Variants in TNFRSF21 observed in about 807,000 individuals in gnomAD.
TNFRSF21 encodes TNF receptor superfamily member 21, also known as tumor necrosis factor receptor superfamily member 21.
Under a neutral mutation model 45.6 loss-of-function variants are expected in TNFRSF21, and 19 were observed. That is an observed-to-expected ratio of 0.42 (90% CI 0.29 to 0.61). TNFRSF21 has a LOEUF of 0.61. Among genes scored for constraint, TNFRSF21 ranks in the 20% least tolerant of loss-of-function variants. TNFRSF21 has a pLI of 0.23. For missense variants in TNFRSF21, 737 were observed against 851.5 expected, an observed-to-expected ratio of 0.87 and a Z score of 1.67; for synonymous variants, 314 against 335.5, an observed-to-expected ratio of 0.94 and a Z score of 0.70.
chr6:47,243,841 G>A (rs1346945974), intron 4 of TNFRSF21, among the ~76,000 whole-genome samples: 3 of 152,146 alleles, frequency 2.0e-5, no homozygotes, highest in Non-Finnish European at 1.5e-5. Flanking sequence ...CAATAACTTA[G>A]ATAACCAGTC....
chr6:47,262,854 T>C (rs1456247844), intron 3 of TNFRSF21, among the ~76,000 whole-genome samples: 2 of 152,086 alleles, frequency 1.3e-5, no homozygotes, highest in Non-Finnish European at 1.5e-5. Context: ...GCAGATCACA[T>C]CCGGCCTTTA....
rs143009469 is a variant in TNFRSF21 at position 47,267,041 on chromosome 6, C to T, written c.1244-13520G>A. ...GAGTAAATTTCCTTCCTTCCAGCCT[C>T]TAATATTGTTAGAGTCAGACTACCC... On this transcript the variant is annotated intron_variant, in intron 3 of 5. Coordinates refer to ENST00000296861, the MANE Select transcript of TNFRSF21 (RefSeq NM_014452.5). Among the ~76,000 whole-genome samples the T allele has an allele frequency of 2.6e-3, 397 of 152,038 alleles. 1 individual carries two copies. Among genetic ancestry groups the T allele is most frequent in the Middle Eastern group, 0.01 (3 of 294 alleles).
intron 4 of TNFRSF21, among the ~76,000 whole-genome samples, chr6:47,243,111 A>G (rs1412479976): frequency 6.6e-6 from 1 of 152,206 alleles, no homozygotes; most frequent in African/African-American, 2.4e-5. Context: ...GCATTGCATA[A>G]TAAGTCCATT....
At chr6:47,274,448 G>GAAACTGGATCCCTTCCTA (rs1276390757) in intron 3 of TNFRSF21, among the ~76,000 whole-genome samples, 1 of 152,180 alleles carries the variant, frequency 6.6e-6, no homozygotes, top group East Asian at 1.9e-4. Flanking sequence ...GTAGAAAGCT[G>GAAACTGGATCCCTTCCTA]AAACTGGATC....
At chr6:47,254,176 G>A (rs1187778850) in intron 3 of TNFRSF21, among the ~76,000 whole-genome samples, 2 of 152,268 alleles carry the variant, frequency 1.3e-5, no homozygotes, top group East Asian at 3.9e-4. Flanking sequence ...TGTGGTACCA[G>A]TACTGAGACA....
intron 1 of TNFRSF21, among the ~76,000 whole-genome samples, chr6:47,296,123 T>C (rs1762786421): frequency 6.6e-6 from 1 of 152,154 alleles, no homozygotes; most frequent in African/African-American, 2.4e-5. Context: ...TACCCATTTA[T>C]TTAGTCACTA....
chr6:47,239,012 C>T (rs1036793239), intron 4 of TNFRSF21, among the ~76,000 whole-genome samples: 9 of 152,086 alleles, frequency 5.9e-5, no homozygotes, highest in East Asian at 1.9e-4. Context: ...TGAGGCTGGG[C>T]GCAGTGGCTT....
At chr6:47,275,412 C>A (rs1762482790) in intron 3 of TNFRSF21, among the ~76,000 whole-genome samples, 2 of 152,050 alleles carry the variant, frequency 1.3e-5, no homozygotes, top group Non-Finnish European at 2.9e-5. Flanking sequence ...GGACAGAAAA[C>A]CAAACACCGC....
intron 3 of TNFRSF21, among the ~76,000 whole-genome samples, chr6:47,262,769 A>G (rs182208048): frequency 2.3e-3 from 356 of 152,258 alleles, no homozygotes; most frequent in Non-Finnish European, 4.0e-3. Context: ...GAAGGCTGGC[A>G]TGGCTGGAGC....
rs1762990127 is a variant in TNFRSF21, at chr6:47,309,668, G to C, written c.-157C>G. The C allele has an allele frequency of 8.7e-7, 1 of 1,150,356 alleles. No homozygotes were observed. The highest frequency in any genetic ancestry group is 4.2e-5 in the Admixed American group (1 of 23,988). 71.3% of individuals were successfully genotyped at this position (1,150,356 alleles called of 1,614,324 possible). On this transcript the variant is annotated 5_prime_UTR_variant, in exon 1 of 6. Coordinates refer to ENST00000296861, the MANE Select transcript of TNFRSF21 (RefSeq NM_014452.5). ...CACTGCTGCGGCCGGGCAGAGGAGGGAGGCGGCAAGGGAGGCTCTAGGGGC... is the reference window on the plus strand; with the variant it reads ...CACTGCTGCGGCCGGGCAGAGGAGGCAGGCGGCAAGGGAGGCTCTAGGGGC...
intron 1 of TNFRSF21, among the ~76,000 whole-genome samples, chr6:47,289,343 C>A (rs1473723908): frequency 1.3e-5 from 2 of 152,134 alleles, no homozygotes; most frequent in Admixed American, 1.3e-4. Context: ...CTATTTGAAT[C>A]AAAAGTATTT....
intron 3 of TNFRSF21, among the ~76,000 whole-genome samples, chr6:47,258,161 G>A (rs1003474230): frequency 6.6e-6 from 1 of 151,918 alleles, no homozygotes; most frequent in Non-Finnish European, 1.5e-5. Context: ...CTTGACCCAG[G>A]AGTTCATAAC....
At chr6:47,259,485 C>T (rs576891131) in intron 3 of TNFRSF21, among the ~76,000 whole-genome samples, 10 of 152,222 alleles carry the variant, frequency 6.6e-5, no homozygotes, top group South Asian at 4.2e-4. Context: ...AGAGATTCTC[C>T]GGCCTCAGGC....
In TNFRSF21 at chr6:47,234,770, G is replaced by A; in HGVS notation, c.1638C>T (p.Asn546=). The A allele has an allele frequency of 6.2e-7, 1 of 1,605,422 alleles. No individual in the cohort carries two copies. The stretch of plus-strand genomic sequence containing the variant: ...CCGACTCATCCACGAAGAAGCCCTT[G>A]TTCTTGTCCTGTGGGGAAGGCTCCA... The part of the protein sequence containing the change: ...LTVEPSPQDK[N]KGFFVDESEP... Residue 546 remains asparagine (N), a synonymous_variant, in exon 5 of 6, where the codon AAC becomes AAT. Coordinates refer to ENST00000296861, the MANE Select transcript of TNFRSF21 (RefSeq NM_014452.5).
intron 1 of TNFRSF21, among the ~76,000 whole-genome samples, chr6:47,297,969 C>T (rs542046215): frequency 1.3e-5 from 2 of 152,038 alleles, no homozygotes; most frequent in Non-Finnish European, 2.9e-5. Context: ...ATACAGACTG[C>T]ACAGTAAAGA....
At position 47,284,106 on chromosome 6, in the gene TNFRSF21, G is replaced by A. The variant is rs1277484515; in HGVS notation, c.1075C>T (p.Leu359=). The A allele has an allele frequency of 6.2e-7, 1 of 1,614,098 alleles. No individual in the cohort carries two copies. Among genetic ancestry groups the A allele is most frequent in the Non-Finnish European group, 8.5e-7 (1 of 1,180,052 alleles). The part of the protein sequence containing the change: ...HLPWMIVLFL[L]LVLVVIVVCS... ...ACCACAATCACCACAAGCACCAGCA[G>A]CAGGAAAAGCACAATCATCCAGGGC... Residue 359 remains leucine, a synonymous_variant, in exon 3 of 6, where the codon CTG becomes TTG. Transcript: ENST00000296861.
intron 1 of TNFRSF21, among the ~76,000 whole-genome samples, chr6:47,302,311 G>A (rs550985860): frequency 3.9e-5 from 6 of 152,090 alleles, no homozygotes; most frequent in East Asian, 1.9e-4. Flanking sequence ...GTACAAGCCC[G>A]TGCACTTACC....
chr6:47,275,452 A>G (rs925554119), intron 3 of TNFRSF21, among the ~76,000 whole-genome samples: 1 of 152,142 alleles, frequency 6.6e-6, no homozygotes, highest in Non-Finnish European at 1.5e-5. Context: ...GGAACTGAAC[A>G]ACGAGATTAC....
intron 4 of TNFRSF21, among the ~76,000 whole-genome samples, chr6:47,250,909 A>T (rs1213856802): frequency 6.6e-6 from 1 of 152,230 alleles, no homozygotes; most frequent in Non-Finnish European, 1.5e-5. Flanking sequence ...AATTCCACAC[A>T]TGAGTACTTA....
Sources: gnomAD v4.1 joint callset for allele counts (sites outside exome capture counted in the v4.1 genomes callset) on GRCh38, gnomAD v4.1.1 for gene constraint, MANE v1.5 for transcripts, NCBI Gene and HGNC (gene_info 2026-07-23, HGNC 2026-07-21) for gene names.